C2CD2L: variants seen among roughly 807,000 people sequenced by gnomAD.
The protein encoded by C2CD2L is phospholipid transfer protein C2CD2L.
A neutral mutation model predicts 69.9 loss-of-function variants in C2CD2L; 24 were observed. That is an observed-to-expected ratio of 0.34 (90% CI 0.25 to 0.48). The LOEUF (loss-of-function observed/expected upper bound fraction) is 0.48, where lower values mean the gene tolerates loss of function less well. Ranked by LOEUF, C2CD2L falls within the 20% of genes least tolerant of loss-of-function variation. C2CD2L has a pLI of 0.99. For synonymous variants in C2CD2L, 367 were observed against 391.0 expected (o/e 0.94, Z 0.72); for missense variants, 811 against 941.5 (o/e 0.86, Z 1.81).
At position 119,112,813 on chromosome 11, in the gene C2CD2L, T is replaced by C. The variant is rs1946785942; in HGVS notation, c.1326T>C (p.Asp442=). ...AGCTTGACCGGACCATCATGCCCGA[T>C]GGCACCATTGTCACCACAGTCACCA... ...KIELDRTIMP[D]GTIVTTVTTV... The change falls in exon 10 of 14, where the codon GAT becomes GAC. Residue 442 remains aspartate, a synonymous_variant. Transcript: ENST00000648610. 6.2e-7 allele frequency: 1 copy of C among 1,614,070 alleles called. No individual in the cohort carries two copies. The highest frequency in any genetic ancestry group is 8.5e-7 in the Non-Finnish European group (1 of 1,179,962).
Position 119,110,595 on chromosome 11 carries a change from G to A in C2CD2L, c.485G>A (p.Arg162Gln), listed in dbSNP as rs199809079. ...LRCQLSAEEV[R>Q]FPVSVTQQSP... ...TGCCAGCTCTCTGCTGAGGAGGTGC[G>A]GTTCCCAGTCTCTGTGACCCAGCAG... Residue 162 changes from arginine (R) to glutamine (Q), a missense_variant, in exon 3 of 14, where the codon CGG (arginine) becomes CAG (glutamine). Physicochemically the swap from Arg to Gln is conservative, Grantham distance 43. Transcript: ENST00000648610. This position sits in a 1 kb window ranked among gnomAD's most constrained non-coding sequence, Gnocchi z 5.7. The A allele has an allele frequency of 1.1e-5, 18 of 1,610,746 alleles. No individual in the cohort carries two copies. The highest frequency in any genetic ancestry group is 3.3e-5 in the Admixed American group (2 of 59,830).
At position 119,116,110 on chromosome 11, in the gene C2CD2L, C is replaced by G. The variant is rs752436094; in HGVS notation, c.1975C>G (p.Leu659Val). The G allele has an allele frequency of 1.2e-6, 2 of 1,614,212 alleles. No homozygotes were observed. Among genetic ancestry groups the G allele is most frequent in the South Asian group, 2.2e-5 (2 of 91,090 alleles). Reference protein sequence around the residue: ...RRRPRQKEAGLSQSHDDLSNA... With the variant: ...RRRPRQKEAGVSQSHDDLSNA... ...GAGGCCTAGGCAGAAGGAAGCTGGC[C>G]TGAGCCAATCACACGATGACCTCTC... The change falls in exon 14 of 14, where the codon CTG (leucine) becomes GTG (valine). Residue 659 changes from leucine to valine, a missense_variant. Leu to Val is a conservative substitution (Grantham distance 32). Coordinates refer to ENST00000648610, the MANE Select transcript of C2CD2L (RefSeq NM_001290474.2).
chr11:119,105,016 C>T (rs1301984626), upstream of C2CD2L, among the ~76,000 whole-genome samples: 1 of 152,192 alleles, frequency 6.6e-6, no homozygotes, highest in Non-Finnish European at 1.5e-5. Flanking sequence ...TTTCAAAAGA[C>T]AGAAATGGCA....
Position 119,114,460 on chromosome 11 carries a change from C to A in C2CD2L, c.1909+95C>A. On this transcript the variant is annotated intron_variant, in intron 13 of 13. Transcript: ENST00000648610. The surrounding 1 kb of genome is among the most constrained non-coding windows in gnomAD (Gnocchi z 5.1). ...AGCCAGTGTGCCTTCTCCTTCCTCC[C>A]CTAAGAGATAGCCGGATTCCCAGCC... is the stretch of plus-strand genomic sequence containing the variant. 7.9e-7 allele frequency: 1 copy of A among 1,259,490 alleles called. No homozygotes were observed. Among genetic ancestry groups the A allele is most frequent in the Non-Finnish European group, 1.1e-6 (1 of 891,020 alleles). The allele number at this position is 1,259,490 out of a possible 1,614,324, so 78.0% of individuals were successfully genotyped here.
chr11:119,112,401 G>A lies in C2CD2L; in HGVS notation c.1084+9G>A, dbSNP rs778734695. 2.5e-6 allele frequency: 4 copies of A among 1,613,854 alleles called. No individual in the cohort carries two copies. Among genetic ancestry groups the A allele is most frequent in the Non-Finnish European group, 3.4e-6 (4 of 1,179,886 alleles). ...CAGCAGCTGTGGAGACAGTAAGTGA[G>A]GGGTGGGAGGGGCACCCCTGGGTGG... On this transcript the variant is annotated intron_variant, in intron 8 of 13. Transcript: ENST00000648610.
In C2CD2L at chr11:119,111,421, G is replaced by A. The variant is rs1480643092; in HGVS notation, c.910+47G>A. ...GGGACTGCCAAGGCTATGGTTGGTT[G>A]CAGATGCTCTCTGCCCCTCTGCCAA... is the stretch of plus-strand genomic sequence containing the variant. On this transcript the variant is annotated intron_variant, in intron 6 of 13. Coordinates refer to ENST00000648610, the MANE Select transcript of C2CD2L (RefSeq NM_001290474.2). 3 of 1,599,380 alleles carry A rather than the reference G, an allele frequency of 1.9e-6. No individual in the cohort carries two copies. The South Asian group carries it at 3.3e-5, about 18-fold the overall frequency.
intron 11 of C2CD2L, 48 bp downstream of exon 11, chr11:119,113,760 A>C (rs1946812685): frequency 1.2e-6 from 2 of 1,612,730 alleles, no homozygotes; most frequent in Non-Finnish European, 1.7e-6. Flanking sequence ...CTGGTGCCCC[A>C]GCATCAAAAA....
rs1212779932 is a variant in C2CD2L, at chr11:119,114,960, A to AT, written c.1909+605dup. The AT allele has an allele frequency of 4.7e-5, 7 of 148,692 alleles. No individual in the cohort carries two copies. The highest frequency in any genetic ancestry group is 2.1e-4 in the South Asian group (1 of 4,696). The allele number at this position is 148,692 out of a possible 1,614,324, so 9.2% of individuals were successfully genotyped here. ...AGAGTGAGACCCTGTCTCAAAAAAAATTTTTTTTTTCCATGGCTGGGCACG... is the reference window on the plus strand; with the variant it reads ...AGAGTGAGACCCTGTCTCAAAAAAAATTTTTTTTTTTCCATGGCTGGGCACG... On this transcript the variant is annotated intron_variant, in intron 13 of 13. Coordinates refer to ENST00000648610, the MANE Select transcript of C2CD2L (RefSeq NM_001290474.2). The surrounding 1 kb of genome is among the most constrained non-coding windows in gnomAD (Gnocchi z 5.1).
upstream of C2CD2L, among the ~76,000 whole-genome samples, chr11:119,103,303 T>C (rs1293587854): frequency 1.3e-5 from 2 of 152,164 alleles, no homozygotes; most frequent in Non-Finnish European, 1.5e-5. Flanking sequence ...AGGACTCCAA[T>C]AGCCTAGCGC....
rs1274548194 is a variant in C2CD2L at position 119,114,213 on chromosome 11, G to A, written c.1757G>A (p.Gly586Glu). The A allele has an allele frequency of 6.2e-7, 1 of 1,614,034 alleles. No individual in the cohort carries two copies. Among genetic ancestry groups the A allele is most frequent in the African/African-American group, 1.3e-5 (1 of 74,916 alleles). The part of the protein sequence containing the change: ...PPSDPPAMSP[G>E]PLDALSSPTS... ...TCAGACCCACCAGCCATGTCTCCAG[G>A]ACCGCTAGATGCCCTCTCTAGTCCC... is the stretch of plus-strand genomic sequence containing the variant. Residue 586 changes from glycine (G) to glutamate (E), a missense_variant, in exon 13 of 14, where the codon GGA becomes GAA. Gly to Glu is a moderately conservative substitution (Grantham distance 98). Coordinates refer to ENST00000648610, the MANE Select transcript of C2CD2L (RefSeq NM_001290474.2). The surrounding 1 kb of genome is among the most constrained non-coding windows in gnomAD (Gnocchi z 5.1).
chr11:119,111,650 GAC>G, intron 7 of C2CD2L, 21 bp downstream of exon 7: 1 of 1,528,576 alleles, frequency 6.5e-7, no homozygotes, highest in Non-Finnish European at 9.0e-7. Context: ...ACCCTGCCCC[GAC>G]CCCATGCTCC....
Position 119,107,578 on chromosome 11 carries a change from C to T in C2CD2L, c.-164C>T. The T allele has an allele frequency of 2.3e-6, 1 of 429,582 alleles. No homozygotes were observed. Among genetic ancestry groups the T allele is most frequent in the East Asian group, 3.7e-5 (1 of 26,890 alleles). The allele number at this position is 429,582 out of a possible 1,614,324, so 26.6% of individuals were successfully genotyped here. ...ACCCCCGAGGACCTCCTCTCCTCGC[C>T]CTGTGGCACCCACTAGTCCTGGGCA... On this transcript the variant is annotated 5_prime_UTR_variant, in exon 1 of 14. Transcript: ENST00000648610. The surrounding 1 kb of genome is among the most constrained non-coding windows in gnomAD (Gnocchi z 5.4).
upstream of C2CD2L, among the ~76,000 whole-genome samples, chr11:119,102,723 C>G (rs901226918): frequency 1.4e-4 from 21 of 151,966 alleles, no homozygotes; most frequent in Admixed American, 1.3e-3. Context: ...GGAATCAGAC[C>G]CACAACTGAT....
rs759248378 is a variant in C2CD2L, at chr11:119,113,970, C to T, written c.1605C>T (p.Ile535=). The change falls in exon 12 of 14, where the codon ATC becomes ATT. Residue 535 remains isoleucine, a synonymous_variant. Coordinates refer to ENST00000648610, the MANE Select transcript of C2CD2L (RefSeq NM_001290474.2). ...KKTPTKRSTL[I]ISGVSKVPIA... ...CACCCACCAAGCGCAGCACTCTCAT[C>T]ATCTCTGGTGTTTCCAAGGTAACAG... is the stretch of plus-strand genomic sequence containing the variant. The T allele has an allele frequency of 1.9e-6, 3 of 1,614,184 alleles. No individual in the cohort carries two copies. The highest frequency in any genetic ancestry group is 2.2e-5 in the South Asian group (2 of 91,082).
chr11:119,110,075 C>CT lies in C2CD2L; in HGVS notation c.355-28dup. On this transcript the variant is annotated intron_variant, in intron 1 of 13. Coordinates refer to ENST00000648610, the MANE Select transcript of C2CD2L (RefSeq NM_001290474.2). The surrounding 1 kb of genome is among the most constrained non-coding windows in gnomAD (Gnocchi z 5.7). ...CCCTGTGGGGGGCAGCTCCAGAGACCTGATCCAATGCCCACATTACTCCCT... is the reference window on the plus strand; with the variant it reads ...CCCTGTGGGGGGCAGCTCCAGAGACCTTGATCCAATGCCCACATTACTCCCT... 6.5e-7 allele frequency: 1 copy of CT among 1,532,110 alleles called. No individual in the cohort carries two copies. Among genetic ancestry groups the CT allele is most frequent in the Non-Finnish European group, 9.0e-7 (1 of 1,105,256 alleles). 94.9% of individuals were successfully genotyped at this position (1,532,110 alleles called of 1,614,324 possible). A position where few individuals can be genotyped will look rare whatever the true frequency, so the allele number is the denominator to read the frequency against.
intron 13 of C2CD2L, 189 bp from the exon 14 acceptor site, chr11:119,115,849 GTTTTCTT>G (rs1003858724): frequency 8.4e-6 from 5 of 597,802 alleles, no homozygotes; most frequent in African/African-American, 3.7e-5. Context: ...TTCTGCTTTC[GTTTTCTT>G]TTTTCTTTTT....
chr11:119,117,546 G>A lies in C2CD2L; in HGVS notation c.*1290G>A, dbSNP rs1223095790. The A allele has an allele frequency of 6.6e-6, 1 of 152,190 alleles. No homozygotes were observed. Among genetic ancestry groups the A allele is most frequent in the African/African-American group, 2.4e-5 (1 of 41,432 alleles). 9.4% of individuals were successfully genotyped at this position (152,190 alleles called of 1,614,324 possible). ...GTAAAATGGGAACTTCAATCATCAT[G>A]GCTATCATTTGGTTGTGGATGAGAA... On this transcript the variant is annotated 3_prime_UTR_variant, in exon 14 of 14. Transcript: ENST00000648610.
At chr11:119,113,460 C>A in intron 10 of C2CD2L, 151 bp from the exon 11 acceptor site, 2 of 1,227,676 alleles carry the variant, frequency 1.6e-6, no homozygotes, top group Non-Finnish European at 2.2e-6. Context: ...TTTTAGTCCC[C>A]ACGGCATCTT....
In C2CD2L at chr11:119,110,651, C is replaced by T. The variant is rs764226444; in HGVS notation, c.541C>T (p.His181Tyr). 1.9e-6 allele frequency: 3 copies of T among 1,613,672 alleles called. No homozygotes were observed. Among genetic ancestry groups the T allele is most frequent in the East Asian group, 4.5e-5 (2 of 44,890 alleles). The change falls in exon 3 of 14, where the codon CAC (histidine) becomes TAC (tyrosine). Residue 181 changes from histidine (H) to tyrosine (Y), a missense_variant. By Grantham distance (83) the His-to-Tyr change is moderately conservative. Coordinates refer to ENST00000648610, the MANE Select transcript of C2CD2L (RefSeq NM_001290474.2). This position sits in a 1 kb window ranked among gnomAD's most constrained non-coding sequence, Gnocchi z 5.7. ...SPAAVSMETY[H>Y]VTLTLPPTQL... is the part of the protein sequence containing the mutation. ...CGCTGCCGTCTCCATGGAGACCTAC[C>T]ACGTCACTCTGACACTGCCACCAAC... is the stretch of plus-strand genomic sequence containing the variant.
Sources: allele counts gnomAD v4.1 joint callset (sites outside exome capture counted in the v4.1 genomes callset), GRCh38; gene constraint gnomAD v4.1.1; non-coding constraint Gnocchi (gnomAD v3.1); transcripts MANE v1.5; gene names NCBI Gene and HGNC (gene_info 2026-07-23, HGNC 2026-07-21).